DIAPH1: variants seen among roughly 807,000 people sequenced by gnomAD.
DIAPH1 encodes diaphanous related formin 1, also known as protein diaphanous homolog 1.
A neutral mutation model predicts 140.7 loss-of-function variants in DIAPH1; 46 were observed. That is an observed-to-expected ratio of 0.33 (90% CI 0.26 to 0.42). The LOEUF (loss-of-function observed/expected upper bound fraction) is 0.42, where lower values mean the gene tolerates loss of function less well. Ranked by LOEUF, DIAPH1 falls within the 10% of genes least tolerant of loss-of-function variation. DIAPH1 has a pLI of 1.00. For synonymous variants in DIAPH1, 565 were observed against 551.6 expected (o/e 1.02, Z -0.34); for missense variants, 1,310 against 1,558.7 (o/e 0.84, Z 2.69).
At chr5:141,529,325 A>G in intron 20 of DIAPH1, 52 bp from the exon 21 acceptor site, 1 of 1,428,884 alleles carries the variant, frequency 7.0e-7, no homozygotes, top group Non-Finnish European at 9.9e-7. Context: ...TAACAACTCA[A>G]GCCTAAACAA....
chr5:141,587,580 T>C (rs2099897730), intron 2 of DIAPH1: 1 of 278,088 alleles, frequency 3.6e-6, no homozygotes, highest in Non-Finnish European at 7.0e-6. Context: ...ACAATAAATG[T>C]TGCTAGGACC....
chr5:141,589,764 C>T (rs2099898102), intron 1 of DIAPH1, among the ~76,000 whole-genome samples: 1 of 151,966 alleles, frequency 6.6e-6, no homozygotes, highest in East Asian at 1.9e-4. Context: ...GTATGTTTTA[C>T]ATTCTCTTCT....
In DIAPH1 at chr5:141,526,074, G is replaced by C. The variant is rs374304870; in HGVS notation, c.3538C>G (p.Gln1180Glu). The C allele has an allele frequency of 7.4e-6, 12 of 1,614,034 alleles. No homozygotes were observed. Among genetic ancestry groups the C allele is most frequent in the Non-Finnish European group, 1.0e-5 (12 of 1,180,026 alleles). Reference sequence around the variant, plus strand: ...TCTATGAGTTGCTCTCTCTTCTGCTGCTTCTCTAGCCGCTCCTTCTCTGCC... The same window carrying C: ...TCTATGAGTTGCTCTCTCTTCTGCTCCTTCTCTAGCCGCTCCTTCTCTGCC... Reference protein sequence around the residue: ...EKAEKERLEKQQKREQLIDMN... With the variant: ...EKAEKERLEKEQKREQLIDMN... Residue 1180 changes from glutamine to glutamate, a missense_variant, in exon 26 of 28, where the codon CAG becomes GAG. Coordinates refer to ENST00000389054, the MANE Select transcript of DIAPH1 (RefSeq NM_005219.5).
rs114547635 is a variant in DIAPH1 at position 141,590,183 on chromosome 5, T to A, written c.118-1933A>T. Among the ~76,000 whole-genome samples the A allele has an allele frequency of 3.8e-3, 585 of 152,322 alleles. 3 individuals carry two copies. Among genetic ancestry groups the A allele is most frequent in the African/African-American group, 0.013 (527 of 41,576 alleles). ...GTTCACGTTCCCCATATAACACAAT[T>A]CAGTTCAATCCAGTGTAAACTGTGA... On this transcript the variant is annotated intron_variant, in intron 1 of 27. Transcript: ENST00000389054.
intron 6 of DIAPH1, 122 bp downstream of exon 6, chr5:141,583,084 G>A: frequency 2.3e-6 from 2 of 873,916 alleles, no homozygotes; most frequent in Non-Finnish European, 3.9e-6. Flanking sequence ...CCCCTTCTTG[G>A]CTAACAGTAC....
Position 141,615,903 on chromosome 5 carries a change from C to T in DIAPH1, c.117+2895G>A, listed in dbSNP as rs140530552. Among the ~76,000 whole-genome samples the T allele has an allele frequency of 9.5e-4, 144 of 152,278 alleles. No homozygotes were observed. The Middle Eastern group carries it at 0.01, about 11-fold the overall frequency. On this transcript the variant is annotated intron_variant, in intron 1 of 27. Coordinates refer to ENST00000389054, the MANE Select transcript of DIAPH1 (RefSeq NM_005219.5). ...TCCTAACATCCCGGTTCTACTTATT[C>T]CCCTTACGTATATTTTGGAAATCAG...
intron 18 of DIAPH1, among the ~76,000 whole-genome samples, chr5:141,544,870 A>G (rs1456482264): frequency 1.3e-5 from 2 of 152,220 alleles, no homozygotes; most frequent in Non-Finnish European, 2.9e-5. Flanking sequence ...ACCATACCAT[A>G]TGACCCAACA....
intron 27 of DIAPH1, among the ~76,000 whole-genome samples, chr5:141,520,077 CT>C (rs2099886280): frequency 1.3e-5 from 2 of 152,198 alleles, no homozygotes; most frequent in African/African-American, 4.8e-5. Context: ...GAAAAAAGAC[CT>C]TTATAAAACG....
intron 1 of DIAPH1, among the ~76,000 whole-genome samples, chr5:141,591,712 A>ATATATATATATATATATATATATT (rs1426398756): frequency 8.4e-5 from 6 of 71,672 alleles, no homozygotes; most frequent in South Asian, 4.6e-4. Flanking sequence ...ATATATATAT[A>ATATATATATATATATATATATATT]TATATATATA....
intron 13 of DIAPH1, 81 bp from the exon 14 acceptor site, chr5:141,576,375 G>A (rs2099895969): frequency 8.3e-6 from 9 of 1,090,522 alleles, no homozygotes; most frequent in Non-Finnish European, 1.3e-5. Flanking sequence ...CCAAAGAACA[G>A]TCTTTTTGAT....
At chr5:141,587,348 T>A in intron 2 of DIAPH1, 151 bp from the exon 3 acceptor site, 1 of 753,272 alleles carries the variant, frequency 1.3e-6, no homozygotes, top group Non-Finnish European at 2.3e-6. Context: ...AAAGAAGAAA[T>A]CAGTCTTCCT....
chr5:141,595,195 T>C (rs1208861021), intron 1 of DIAPH1, among the ~76,000 whole-genome samples: 4 of 152,022 alleles, frequency 2.6e-5, no homozygotes, highest in Non-Finnish European at 5.9e-5. Flanking sequence ...AGGTTATGAA[T>C]AAATAGAGCA....
In DIAPH1 at chr5:141,566,309, G is replaced by A. The variant is rs556982550; in HGVS notation, c.2482+5119C>T. 2.4e-3 allele frequency among the ~76,000 whole-genome samples: 362 copies of A among 152,134 alleles called. 6 individuals are homozygous for A. Among genetic ancestry groups the A allele is most frequent in the Non-Finnish European group, 1.5e-3 (104 of 68,026 alleles). On this transcript the variant is annotated intron_variant, in intron 18 of 27. Transcript: ENST00000389054. ...ATATTGGTAGGATCATGACCTTTTCGTATAAAAATTCCTAAGAATTAAGTC... is the reference window on the plus strand; with the variant it reads ...ATATTGGTAGGATCATGACCTTTTCATATAAAAATTCCTAAGAATTAAGTC...
chr5:141,543,855 A>C (rs1231278144), intron 18 of DIAPH1, among the ~76,000 whole-genome samples: 1 of 152,232 alleles, frequency 6.6e-6, no homozygotes, highest in Non-Finnish European at 1.5e-5. Context: ...ATGTCAATAC[A>C]ATCAATAGAT....
chr5:141,601,604 C>A (rs1443967580), intron 1 of DIAPH1, among the ~76,000 whole-genome samples: 1 of 152,140 alleles, frequency 6.6e-6, no homozygotes, highest in Non-Finnish European at 1.5e-5. Context: ...TTAGAACCTT[C>A]TTAACAGATC....
chr5:141,536,271 C>G (rs983508855), intron 18 of DIAPH1, among the ~76,000 whole-genome samples: 3 of 152,164 alleles, frequency 2.0e-5, no homozygotes, highest in African/African-American at 2.4e-5. Flanking sequence ...CACTGCACTC[C>G]AGCCTGGATG....
intron 1 of DIAPH1, among the ~76,000 whole-genome samples, chr5:141,590,628 C>T (rs1287280484): frequency 6.6e-6 from 1 of 152,034 alleles, no homozygotes; most frequent in Non-Finnish European, 1.5e-5. Flanking sequence ...TCAAAGAGTT[C>T]CCTCAGAACC....
intron 1 of DIAPH1, among the ~76,000 whole-genome samples, chr5:141,600,589 A>AT (rs1424479969): frequency 2.0e-5 from 3 of 152,196 alleles, no homozygotes; most frequent in African/African-American, 7.2e-5. Context: ...TACAAGTATG[A>AT]TTTTGAGCAA....
At position 141,574,133 on chromosome 5, in the gene DIAPH1, G is replaced by A; in HGVS notation, c.1717C>T (p.Pro573Ser). Residue 573 changes from proline (P) to serine (S), a missense_variant, in exon 16 of 28, where the codon CCT (proline) becomes TCT (serine). Transcript: ENST00000389054. ...ASLSAAAITV[P>S]PSVPSRAPVP... ...GGAGCACGACTAGGAACAGAAGGAG[G>A]TACAGTAATAGCTGCCGCAGAGAGG... 5.6e-6 allele frequency: 9 copies of A among 1,613,996 alleles called. No homozygotes were observed. The highest frequency in any genetic ancestry group is 7.6e-6 in the Non-Finnish European group (9 of 1,180,016).
Sources: allele counts gnomAD v4.1 joint callset (sites outside exome capture counted in the v4.1 genomes callset), GRCh38; gene constraint gnomAD v4.1.1; transcripts MANE v1.5; gene names NCBI Gene and HGNC (gene_info 2026-07-23, HGNC 2026-07-21).